WDR48: variants seen among roughly 807,000 people sequenced by gnomAD.
WDR48 encodes the protein WD repeat-containing protein 48.
WDR48 carries 22 observed loss-of-function variants against 94.0 expected under a neutral mutation model. The ratio of observed to expected loss-of-function variants is 0.23; its 90% confidence interval spans 0.17 to 0.33. The LOEUF (loss-of-function observed/expected upper bound fraction) is 0.33. WDR48 is among the 10% of genes least tolerant of loss of function. The pLI, the probability that WDR48 is intolerant of heterozygous loss-of-function variation, is 1.00. For synonymous variants in WDR48, 278 were observed against 280.5 expected (o/e 0.99, Z 0.09); for missense variants, 541 against 813.8 (o/e 0.66, Z 4.08).
At chr3:39,077,912 T>C in intron 9 of WDR48, 1 of 423,814 alleles carries the variant, frequency 2.4e-6, no homozygotes, top group South Asian at 3.4e-5. Flanking sequence ...GCACTCCTGC[T>C]TTCATGCATA....
chr3:39,068,594 T>A (rs1319682214), intron 5 of WDR48, among the ~76,000 whole-genome samples, 177 bp from the exon 6 acceptor site: 2 of 152,304 alleles, frequency 1.3e-5, no homozygotes, highest in Non-Finnish European at 2.9e-5. Flanking sequence ...ATCCAGAAAA[T>A]ATGTAAATTT....
At chr3:39,069,068 C>T (rs2033780709) in intron 6 of WDR48, among the ~76,000 whole-genome samples, 1 of 152,066 alleles carries the variant, frequency 6.6e-6, no homozygotes, top group Non-Finnish European at 1.5e-5. Context: ...GCGATCCTTC[C>T]ACCTCAATCT....
intron 11 of WDR48, among the ~76,000 whole-genome samples, chr3:39,080,583 C>G (rs2034467674): frequency 6.6e-6 from 1 of 152,158 alleles, no homozygotes; most frequent in African/African-American, 2.4e-5. Context: ...TGCAAAGAAC[C>G]ATGCTTGAGG....
At chr3:39,082,152 CA>C (rs1356823084) in intron 11 of WDR48, among the ~76,000 whole-genome samples, 2 of 151,956 alleles carry the variant, frequency 1.3e-5, no homozygotes, top group East Asian at 3.9e-4. Context: ...GTGTCTGGTA[CA>C]TAATAGGAGG....
chr3:39,091,492 A>G, intron 16 of WDR48, 133 bp from the exon 17 acceptor site: 1 of 670,318 alleles, frequency 1.5e-6, no homozygotes, highest in Non-Finnish European at 2.4e-6. Context: ...TTGATAGCTT[A>G]CTATACATTT....
At chr3:39,080,429 C>T (rs2034462198) in intron 11 of WDR48, among the ~76,000 whole-genome samples, 1 of 152,208 alleles carries the variant, frequency 6.6e-6, no homozygotes, top group Admixed American at 6.5e-5. Context: ...GCTATTCAAT[C>T]ACATTCCAAA....
intron 10 of WDR48, among the ~76,000 whole-genome samples, chr3:39,079,255 G>A (rs2034398574): frequency 6.6e-6 from 1 of 152,184 alleles, no homozygotes. Context: ...TTTAATGTCA[G>A]AGTTTGGGAT....
In WDR48 at chr3:39,085,496, T is replaced by C; in HGVS notation, c.1379-19T>C. ...ACTCGCTTTTCCATTTTATCTCTTT[T>C]TAATTAACTTTTTTGCAGTGAATTT... is the stretch of plus-strand genomic sequence containing the variant. On this transcript the variant is annotated intron_variant, in intron 13 of 18. Coordinates refer to ENST00000302313, the MANE Select transcript of WDR48 (RefSeq NM_020839.4). 1.3e-6 allele frequency: 2 copies of C among 1,596,178 alleles called. No homozygotes were observed. Among genetic ancestry groups the C allele is most frequent in the South Asian group, 2.3e-5 (2 of 88,150 alleles).
In WDR48 at chr3:39,083,781, G is replaced by A. The variant is rs558179333; in HGVS notation, c.1174-374G>A. 7.6e-4 allele frequency among the ~76,000 whole-genome samples: 116 copies of A among 152,252 alleles called. 2 individuals are homozygous for A. In the South Asian group the frequency reaches 0.023, roughly 30 times the overall value. ...AGAAATAAGTTTTTACATGGGAGAT[G>A]GTAGAGTAATGGTCTCCATGGAGCA... On this transcript the variant is annotated intron_variant, in intron 11 of 18. Transcript: ENST00000302313.
intron 17 of WDR48, among the ~76,000 whole-genome samples, chr3:39,092,845 A>G (rs569739093): frequency 4.6e-5 from 7 of 150,870 alleles, no homozygotes; most frequent in African/African-American, 1.7e-4. Flanking sequence ...CTTCACCTAT[A>G]CCTCTACCTG....
chr3:39,093,515 A>G (rs1255103671), intron 17 of WDR48, among the ~76,000 whole-genome samples: 3 of 152,160 alleles, frequency 2.0e-5, no homozygotes, highest in Non-Finnish European at 4.4e-5. Context: ...GTATTTTAGT[A>G]GAGACGGGAT....
intron 1 of WDR48, among the ~76,000 whole-genome samples, chr3:39,058,084 T>C (rs967033144): frequency 6.6e-6 from 1 of 152,250 alleles, no homozygotes; most frequent in African/African-American, 2.4e-5. Context: ...TTTATCAGTC[T>C]AGACCTCCAT....
intron 1 of WDR48, 110 bp downstream of exon 1, chr3:39,052,183 A>C: frequency 2.9e-6 from 4 of 1,380,142 alleles, no homozygotes; most frequent in Non-Finnish European, 4.0e-6. Flanking sequence ...CATGGGGCGA[A>C]CGGGGCGGGG....
Position 39,089,328 on chromosome 3 carries a change from C to T in WDR48, c.1668+10C>T, listed in dbSNP as rs373642299. On this transcript the variant is annotated intron_variant, in intron 16 of 18. Transcript: ENST00000302313. ...TGACATCACTGTGGATGTAAGTATC[C>T]TCCACTCCCACTTTGCTCTTTTATT... 202 of 1,608,222 alleles carry T rather than the reference C, an allele frequency of 1.3e-4. 1 individual carries two copies. The highest frequency in any genetic ancestry group is 2.4e-4 in the Admixed American group (14 of 59,468).
intron 7 of WDR48, among the ~76,000 whole-genome samples, chr3:39,071,951 C>G (rs962442888): frequency 2.6e-5 from 4 of 152,182 alleles, no homozygotes; most frequent in African/African-American, 9.7e-5. Flanking sequence ...CTTCTACTTA[C>G]AGATTCTTGA....
chr3:39,071,078 A>G (rs1013326729), intron 7 of WDR48, among the ~76,000 whole-genome samples: 2 of 151,324 alleles, frequency 1.3e-5, no homozygotes, highest in Non-Finnish European at 2.9e-5. Flanking sequence ...AATCCAGTCT[A>G]TCATTGTTGG....
intron 14 of WDR48, among the ~76,000 whole-genome samples, chr3:39,087,129 A>G (rs914554143): frequency 2.6e-5 from 4 of 152,200 alleles, no homozygotes; most frequent in Non-Finnish European, 5.9e-5. Flanking sequence ...GAGAGGTTCC[A>G]CAAATGCTAT....
intron 11 of WDR48, among the ~76,000 whole-genome samples, chr3:39,081,947 T>G (rs1196618942): frequency 6.6e-6 from 1 of 152,222 alleles, no homozygotes; most frequent in Non-Finnish European, 1.5e-5. Flanking sequence ...GTAATAGACG[T>G]GGCTAAACAG....
chr3:39,068,373 G>T (rs1453372817), intron 5 of WDR48, among the ~76,000 whole-genome samples: 2 of 151,940 alleles, frequency 1.3e-5, no homozygotes, highest in Non-Finnish European at 2.9e-5. Flanking sequence ...GAGTTCCATT[G>T]TACTGTTTTC....
Sources: allele counts gnomAD v4.1 joint callset (sites outside exome capture counted in the v4.1 genomes callset), GRCh38; gene constraint gnomAD v4.1.1; transcripts MANE v1.5; gene names NCBI Gene and HGNC (gene_info 2026-07-23, HGNC 2026-07-21).